The following SLC35D1 variants were observed in gnomAD, a reference collection of about 807,000 sequenced individuals.
SLC35D1 encodes nucleotide sugar transporter SLC35D1.
Under a neutral mutation model 46.7 loss-of-function variants are expected in SLC35D1, and 31 were observed. The observed-to-expected ratio is 0.66, with a 90% CI of 0.50 to 0.90. The LOEUF is 0.90. SLC35D1 is among the 40% of genes least tolerant of loss of function. The probability of loss-of-function intolerance (pLI) is 0.00; values close to 1 mark genes in which losing one functional copy is unlikely to be tolerated. For missense variants in SLC35D1, 397 were observed against 426.2 expected (o/e 0.93, Z 0.60); for synonymous variants, 195 against 164.6 (o/e 1.18, Z -1.41).
chr1:67,045,953 A>C (rs1645246958), intron 7 of SLC35D1, among the ~76,000 whole-genome samples: 1 of 152,236 alleles, frequency 6.6e-6, no homozygotes, highest in Admixed American at 6.5e-5. Flanking sequence ...TGAAGAAAAG[A>C]GTAAGATCAA....
chr1:66,986,503 A>T, the SLC35D1 span: 1 of 1,477,296 alleles, frequency 6.8e-7, no homozygotes, highest in South Asian at 1.1e-5. Context: ...TTAATGGCTC[A>T]ACTGTCTGAT....
At chr1:67,006,098 C>T (rs1306524380) in intron 11 of SLC35D1, among the ~76,000 whole-genome samples, 1 of 152,130 alleles carries the variant, frequency 6.6e-6, no homozygotes, top group Non-Finnish European at 1.5e-5. Context: ...TATCCTCCCG[C>T]CTCTACCTCC....
At chr1:66,974,595 A>G in the SLC35D1 span, among the ~76,000 whole-genome samples, 1 of 152,266 alleles carries the variant, frequency 6.6e-6, no homozygotes, top group South Asian at 2.1e-4. Flanking sequence ...GGAGTTAAGA[A>G]ATTATAGGTG....
chr1:67,049,052 T>TG (rs1383052972), intron 6 of SLC35D1, among the ~76,000 whole-genome samples: 1 of 152,142 alleles, frequency 6.6e-6, no homozygotes, highest in African/African-American at 2.4e-5. Context: ...CCCAGCACTT[T>TG]GGGAGGCCAA....
the SLC35D1 span, chr1:66,976,743 A>C: frequency 1.3e-6 from 2 of 1,553,788 alleles, no homozygotes; most frequent in African/African-American, 2.8e-5. Context: ...TTTTTCCTTA[A>C]GAGCTATATA....
At chr1:67,048,876 T>C (rs1056240889) in intron 6 of SLC35D1, among the ~76,000 whole-genome samples, 3 of 152,350 alleles carry the variant, frequency 2.0e-5, no homozygotes, top group Middle Eastern at 3.4e-3. Context: ...TTGTGACATA[T>C]CTTATGTGAG....
the SLC35D1 span, among the ~76,000 whole-genome samples, chr1:66,989,621 G>C: frequency 6.6e-6 from 1 of 152,012 alleles, no homozygotes; most frequent in African/African-American, 2.4e-5. Flanking sequence ...GCACCACCAT[G>C]CTCAGCTAAT....
intron 5 of SLC35D1, 39 bp from the exon 6 acceptor site, chr1:67,049,889 A>G (rs377183263): frequency 2.8e-6 from 4 of 1,417,164 alleles, no homozygotes; most frequent in Non-Finnish European, 4.0e-6. Context: ...ACATGACTTT[A>G]TTCCCACACT....
chr1:67,042,435 C>A, intron 7 of SLC35D1, 107 bp from the exon 8 acceptor site: 1 of 912,280 alleles, frequency 1.1e-6, no homozygotes, highest in South Asian at 1.3e-5. Context: ...CACACACACC[C>A]TCCCCTACAA....
At chr1:66,994,195 C>T in the SLC35D1 span, among the ~76,000 whole-genome samples, 2 of 152,210 alleles carry the variant, frequency 1.3e-5, no homozygotes, top group East Asian at 1.9e-4. Flanking sequence ...GTTCACCTGA[C>T]GACTCCGGTG....
intron 8 of SLC35D1, among the ~76,000 whole-genome samples, chr1:67,033,204 C>A (rs1458905767): frequency 6.6e-6 from 1 of 152,104 alleles, no homozygotes; most frequent in Non-Finnish European, 1.5e-5. Context: ...ATAGGGGTAT[C>A]TCCTCAATAT....
intron 10 of SLC35D1, among the ~76,000 whole-genome samples, chr1:67,016,442 TTAGAC>T (rs1336646878): frequency 6.6e-6 from 1 of 152,062 alleles, no homozygotes; most frequent in Non-Finnish European, 1.5e-5. Flanking sequence ...GATCCGACCA[TTAGAC>T]TAGGTAAAAA....
At chr1:66,992,589 G>A in the SLC35D1 span, among the ~76,000 whole-genome samples, 30 of 152,366 alleles carry the variant, frequency 2.0e-4, no homozygotes, top group African/African-American at 7.2e-4. Flanking sequence ...TCGGATGCCT[G>A]TATCCTTTTC....
At chr1:67,015,702 A>C (rs1667671076) in intron 10 of SLC35D1, among the ~76,000 whole-genome samples, 1 of 152,186 alleles carries the variant, frequency 6.6e-6, no homozygotes, top group Non-Finnish European at 1.5e-5. Context: ...TTTCTCTTTC[A>C]AACAAAATTT....
chr1:66,978,967 C>T, the SLC35D1 span, among the ~76,000 whole-genome samples: 37 of 152,230 alleles, frequency 2.4e-4, no homozygotes, highest in South Asian at 5.2e-3. Context: ...GGTAGAGTGG[C>T]CACAGTTAAA....
downstream of SLC35D1, among the ~76,000 whole-genome samples, chr1:66,997,519 A>AAAAAT (rs1553262615): frequency 4.1e-5 from 3 of 74,070 alleles, no homozygotes; most frequent in Non-Finnish European, 5.1e-5. Flanking sequence ...AAAAAAAAAA[A>AAAAAT]ATATATATAT....
chr1:67,008,943 T>C (rs546907816), intron 11 of SLC35D1, 142 bp downstream of exon 11: 18 of 496,528 alleles, frequency 3.6e-5, no homozygotes, highest in African/African-American at 3.1e-4. Context: ...TGTAGAGACA[T>C]TAAATATGTA....
the SLC35D1 span, chr1:66,972,986 A>G: frequency 6.3e-7 from 1 of 1,579,568 alleles, no homozygotes; most frequent in Non-Finnish European, 8.7e-7. Flanking sequence ...GATTCAGGCT[A>G]ATAAAGTAAG....
chr1:67,035,805 CTT>C (rs71058492), intron 8 of SLC35D1, among the ~76,000 whole-genome samples: 1,409 of 133,316 alleles, frequency 0.011, 23 homozygotes, highest in African/African-American at 0.035. Context: ...TGAAGTTTTT[CTT>C]TTTTTTTTTT....
Sources: allele counts gnomAD v4.1 joint callset (sites outside exome capture counted in the v4.1 genomes callset), GRCh38; gene constraint gnomAD v4.1.1; transcripts MANE v1.5; gene names NCBI Gene and HGNC (gene_info 2026-07-23, HGNC 2026-07-21).